Variants in PPME1 observed in about 807,000 individuals in gnomAD.
PPME1 encodes the protein protein phosphatase methylesterase 1, also known as testicular secretory protein Li 39.
In PPME1, 17 loss-of-function variants were observed where a neutral mutation model predicts 56.9. The ratio of observed to expected loss-of-function variants is 0.30; its 90% CI spans 0.20 to 0.45. The LOEUF is 0.45. PPME1 is among the 20% of genes least tolerant of loss of function. The pLI, the probability that PPME1 is intolerant of heterozygous loss-of-function variation, is 1.00. For synonymous variants in PPME1, 122 were observed against 156.2 expected (o/e 0.78, Z 1.63); for missense variants, 357 against 483.2 (o/e 0.74, Z 2.45).
In PPME1 at chr11:74,254,489, C is replaced by G. The variant is rs1565399424; in HGVS notation, c.*979C>G. 1 of 152,996 alleles carries G rather than the reference C, an allele frequency of 6.5e-6. No homozygotes were observed. Among genetic ancestry groups the G allele is most frequent in the African/African-American group, 2.4e-5 (1 of 41,454 alleles). 9.5% of individuals were successfully genotyped at this position (152,996 alleles called of 1,614,324 possible). On this transcript the variant is annotated 3_prime_UTR_variant, in exon 14 of 14. Transcript: ENST00000328257. ...CTCGACACAGCACTGTGGCCTGTCCCTATTGCCCAGGCACGCCATTTCCAA... is the reference window on the plus strand; with the variant it reads ...CTCGACACAGCACTGTGGCCTGTCCGTATTGCCCAGGCACGCCATTTCCAA...
intron 3 of PPME1, among the ~76,000 whole-genome samples, chr11:74,216,837 G>C (rs1858659649): frequency 6.6e-6 from 1 of 152,152 alleles, no homozygotes; most frequent in African/African-American, 2.4e-5. Flanking sequence ...AGGATACTAT[G>C]AGCAACTATA....
intron 4 of PPME1, among the ~76,000 whole-genome samples, chr11:74,224,699 T>G (rs1319372711): frequency 2.0e-5 from 3 of 147,862 alleles, no homozygotes; most frequent in African/African-American, 5.2e-5. Flanking sequence ...TTATTCTCTT[T>G]GAAGCAATTG....
chr11:74,181,344 G>A (rs906291506), intron 1 of PPME1, among the ~76,000 whole-genome samples: 4 of 152,094 alleles, frequency 2.6e-5, no homozygotes, highest in South Asian at 2.1e-4. Context: ...CACCGCGCCC[G>A]GCCCACTTTT....
chr11:74,252,784 C>T (rs1050233433), intron 13 of PPME1, among the ~76,000 whole-genome samples: 1 of 152,140 alleles, frequency 6.6e-6, no homozygotes, highest in African/African-American at 2.4e-5. Context: ...GAGGAAGAAA[C>T]AGGGCCAGGT....
intron 1 of PPME1, among the ~76,000 whole-genome samples, chr11:74,199,485 A>G (rs929752990): frequency 2.0e-5 from 3 of 151,846 alleles, no homozygotes; most frequent in Non-Finnish European, 2.9e-5. Flanking sequence ...TTTGGGAGAG[A>G]CAGGGTCTCA....
intron 2 of PPME1, 83 bp downstream of exon 2, chr11:74,203,904 C>T: frequency 2.0e-6 from 2 of 1,001,526 alleles, no homozygotes; most frequent in South Asian, 1.8e-5. Context: ...CTAAAATGTT[C>T]TTTATTCCTG....
At chr11:74,222,620 C>T (rs1858827432) in intron 4 of PPME1, 1 of 423,930 alleles carries the variant, frequency 2.4e-6, no homozygotes, top group East Asian at 5.2e-5. Context: ...TCCCCAGTAG[C>T]TGGGATTACA....
chr11:74,203,389 A>G (rs1858226374), intron 1 of PPME1, among the ~76,000 whole-genome samples: 1 of 152,188 alleles, frequency 6.6e-6, no homozygotes. Context: ...GCCAAGAGCA[A>G]GGTGAAAAAC....
At chr11:74,244,351 T>G (rs1352428047) in intron 9 of PPME1, among the ~76,000 whole-genome samples, 1 of 152,190 alleles carries the variant, frequency 6.6e-6, no homozygotes, top group Non-Finnish European at 1.5e-5. Context: ...GCCTTGATGT[T>G]TTTCTTATTG....
At chr11:74,194,588 C>T (rs2135608607) in intron 1 of PPME1, among the ~76,000 whole-genome samples, 1 of 151,124 alleles carries the variant, frequency 6.6e-6, no homozygotes, top group South Asian at 2.1e-4. Flanking sequence ...AATAATTATA[C>T]ACTATGATTG....
chr11:74,186,817 TC>T (rs1337409571), intron 1 of PPME1, among the ~76,000 whole-genome samples: 3 of 152,194 alleles, frequency 2.0e-5, no homozygotes, highest in East Asian at 1.9e-4. Context: ...GCTCAAGAAT[TC>T]CAGGTACTAG....
At position 74,204,345 on chromosome 11, in the gene PPME1, A is replaced by G. The variant is rs1243643495; in HGVS notation, c.196-8A>G. ...AAACATAGATGTTTTATCTTTAACTATTCATACACTTTTCGAGTCTACAAG... is the reference window on the plus strand; with the variant it reads ...AAACATAGATGTTTTATCTTTAACTGTTCATACACTTTTCGAGTCTACAAG... On this transcript the variant is annotated splice_region_variant and splice_polypyrimidine_tract_variant and intron_variant, in intron 2 of 13. Transcript: ENST00000328257. 3.7e-6 allele frequency: 6 copies of G among 1,600,358 alleles called. No homozygotes were observed. The highest frequency in any genetic ancestry group is 2.2e-5 in the East Asian group (1 of 44,828).
chr11:74,180,203 A>C (rs970161084), intron 1 of PPME1, among the ~76,000 whole-genome samples: 1 of 152,022 alleles, frequency 6.6e-6, no homozygotes, highest in Non-Finnish European at 1.5e-5. Context: ...TTTGGTCATT[A>C]TCTCCTAGTA....
At chr11:74,251,075 C>T in intron 12 of PPME1, 57 bp downstream of exon 12, 1 of 1,550,372 alleles carries the variant, frequency 6.5e-7, no homozygotes, top group Non-Finnish European at 8.7e-7. Context: ...CCCTGGATGT[C>T]ACAGAAGACA....
chr11:74,222,778 T>A, intron 4 of PPME1: 1 of 174,908 alleles, frequency 5.7e-6, no homozygotes, highest in Middle Eastern at 5.4e-4. Flanking sequence ...TGTGAGCCAC[T>A]GCGCCCAGCT....
At chr11:74,193,268 T>C (rs754147440) in intron 1 of PPME1, among the ~76,000 whole-genome samples, 1 of 152,250 alleles carries the variant, frequency 6.6e-6, no homozygotes, top group Non-Finnish European at 1.5e-5. Flanking sequence ...ATTTTCCACA[T>C]GGGTGGCTAA....
intron 1 of PPME1, among the ~76,000 whole-genome samples, chr11:74,184,366 G>A (rs1857616664): frequency 6.6e-6 from 1 of 152,152 alleles, no homozygotes; most frequent in Non-Finnish European, 1.5e-5. Context: ...GCTTGGGAGT[G>A]GAGCTACTCA....
At chr11:74,177,883 T>C (rs1284401915) in intron 1 of PPME1, among the ~76,000 whole-genome samples, 2 of 152,254 alleles carry the variant, frequency 1.3e-5, no homozygotes, top group African/African-American at 2.4e-5. Flanking sequence ...CAATCTAATA[T>C]TACTTAAATT....
At chr11:74,181,030 C>CTTTT (rs1005872237) in intron 1 of PPME1, among the ~76,000 whole-genome samples, 89 of 96,162 alleles carry the variant, frequency 9.3e-4, no homozygotes, top group Non-Finnish European at 1.0e-3. Flanking sequence ...ATTTTCTTCA[C>CTTTT]TTTTTTTTTT....
Sources: allele counts gnomAD v4.1 joint callset (sites outside exome capture counted in the v4.1 genomes callset), GRCh38; gene constraint gnomAD v4.1.1; transcripts MANE v1.5; gene names NCBI Gene and HGNC (gene_info 2026-07-23, HGNC 2026-07-21).